The following ZNF331 variants were observed in gnomAD, a reference collection of about 807,000 sequenced individuals.
ZNF331 encodes zinc finger protein 331, also known as C2H2-like zinc finger protein rearranged in thyroid adenomas.
In ZNF331, 2 loss-of-function variants were observed where a neutral mutation model predicts 7.0. The observed-to-expected ratio is 0.29, with a 90% CI of 0.12 to 0.90. The LOEUF (loss-of-function observed/expected upper bound fraction) is 0.90, where lower values mean the gene tolerates loss of function less well. Among genes scored for constraint, ZNF331 ranks in the 40% least tolerant of loss-of-function variants. The pLI, the probability that ZNF331 is intolerant of heterozygous loss-of-function variation, is 0.58. For synonymous variants in ZNF331, 196 were observed against 205.4 expected (o/e 0.95, Z 0.39); for missense variants, 432 against 587.7 (o/e 0.74, Z 2.74).
chr19:53,556,046 C>T (rs911154588), intron 3 of ZNF331, 138 bp downstream of exon 3: 1 of 151,602 alleles, frequency 6.6e-6, no homozygotes, highest in African/African-American at 2.4e-5. Context: ...AGATCGAGAC[C>T]ATCCTGGCTA....
chr19:53,571,538 C>T lies in ZNF331; in HGVS notation c.10-66C>T. The T allele has an allele frequency of 6.3e-7, 1 of 1,591,248 alleles. No homozygotes were observed. Among genetic ancestry groups the T allele is most frequent in the South Asian group, 1.2e-5 (1 of 86,048 alleles). On this transcript the variant is annotated intron_variant, in intron 4 of 5. Transcript: ENST00000449416. This position sits in a 1 kb window ranked among gnomAD's most constrained non-coding sequence, Gnocchi z 4.7. Reference sequence around the variant, plus strand: ...GTTCACCCTACCCAGAGGGTGGCCTCCTGTCTCCTTCATCTGGAAGCTGTT... The same window carrying T: ...GTTCACCCTACCCAGAGGGTGGCCTTCTGTCTCCTTCATCTGGAAGCTGTT...
the ZNF331 span, among the ~76,000 whole-genome samples, chr19:53,508,234 C>T: frequency 1.4e-4 from 21 of 152,268 alleles, no homozygotes; most frequent in South Asian, 3.7e-3. Flanking sequence ...GTTTATCTGG[C>T]GGTTGGGGAG....
rs1429450789 is a variant in ZNF331 at position 53,577,716 on chromosome 19, A to G, written c.1156A>G (p.Lys386Glu). 1.9e-6 allele frequency: 3 copies of G among 1,613,862 alleles called. No individual in the cohort carries two copies. The African/African-American group carries it at 4.0e-5, about 22-fold the overall frequency. The change falls in exon 6 of 6, where the codon AAG becomes GAG. Residue 386 changes from lysine (K) to glutamate (E), a missense_variant. By Grantham distance (56) the Lys-to-Glu change is moderately conservative. This residue lies in a region of ZNF331 where 312 missense variants were observed against 448.6 expected (regional missense o/e 0.70). Transcript: ENST00000449416. ...CACAGGCGAAACCCCGTATAAATGT[A>G]AGGAGTGTGGGAAGGCTTTCATTTA... ...IHTGETPYKC[K>E]ECGKAFIYGS...
At chr19:53,570,808 A>G (rs1440300639) in intron 4 of ZNF331, among the ~76,000 whole-genome samples, 1 of 151,248 alleles carries the variant, frequency 6.6e-6, no homozygotes, top group Non-Finnish European at 1.5e-5. Flanking sequence ...CTGGGATTAC[A>G]GGCATGAGCC....
At chr19:53,507,452 G>A in the ZNF331 span, among the ~76,000 whole-genome samples, 1,730 of 152,148 alleles carry the variant, frequency 0.011, 37 homozygotes, top group African/African-American at 0.039. Context: ...AAAATGGACC[G>A]GCCCAGCAAC....
In ZNF331 at chr19:53,574,998, T is replaced by G. The variant is rs1461612351; in HGVS notation, c.137-1699T>G. Among the ~76,000 whole-genome samples the G allele has an allele frequency of 3.3e-5, 5 of 149,990 alleles. No individual in the cohort carries two copies. In the East Asian group the frequency reaches 9.8e-4, roughly 29 times the overall value. The stretch of plus-strand genomic sequence containing the variant: ...TGATTCCCAGGCTGGAGTGCAGTAG[T>G]GCAGTCTGGGCTCACTGCAGCCTTG... On this transcript the variant is annotated intron_variant, in intron 5 of 5. Transcript: ENST00000449416.
chr19:53,572,605 TATATA>T (rs985263752), intron 5 of ZNF331, among the ~76,000 whole-genome samples: 14 of 60,020 alleles, frequency 2.3e-4, no homozygotes, highest in Non-Finnish European at 5.0e-4. Flanking sequence ...TATATACACA[TATATA>T]TTATATATAC....
intron 3 of ZNF331, among the ~76,000 whole-genome samples, chr19:53,561,717 G>C (rs761591063): frequency 6.6e-6 from 1 of 152,156 alleles, no homozygotes; most frequent in Non-Finnish European, 1.5e-5. Context: ...GCCAGGCATG[G>C]TGGTGTGTGC....
chr19:53,505,549 G>A, the ZNF331 span, among the ~76,000 whole-genome samples: 4 of 152,184 alleles, frequency 2.6e-5, no homozygotes, highest in Non-Finnish European at 5.9e-5. Flanking sequence ...ACCAACGTAC[G>A]TGGATTCCAG....
At chr19:53,529,123 C>T (rs2087425759) in intron 2 of ZNF331, among the ~76,000 whole-genome samples, 1 of 152,114 alleles carries the variant, frequency 6.6e-6, no homozygotes, top group African/African-American at 2.4e-5. Flanking sequence ...TCTCTGAAGG[C>T]TGGGCGTGGT....
At chr19:53,538,123 G>T (rs966457893), upstream of ZNF331, 3 of 152,238 alleles carry the variant, frequency 2.0e-5, no homozygotes, top group East Asian at 3.9e-4. Flanking sequence ...CCTCCAGGGG[G>T]TGGCGGGACC....
chr19:53,560,782 C>T lies in ZNF331; in HGVS notation c.-74+4874C>T, dbSNP rs1410256814. ...TTTTCCGTCACACCACTCTGACCCT[C>T]CTCCTCTAAGTTTAAGGACTCTGGT... On this transcript the variant is annotated intron_variant, in intron 3 of 5. Transcript: ENST00000449416. The surrounding 1 kb of genome is among the most constrained non-coding windows in gnomAD (Gnocchi z 4.3). 6.6e-6 allele frequency among the ~76,000 whole-genome samples: 1 copy of T among 152,176 alleles called. No homozygotes were observed. The highest frequency in any genetic ancestry group is 1.5e-5 in the Non-Finnish European group (1 of 68,034).
At chr19:53,561,065 G>C (rs1172814670) in intron 3 of ZNF331, among the ~76,000 whole-genome samples, 1 of 152,090 alleles carries the variant, frequency 6.6e-6, no homozygotes, top group Non-Finnish European at 1.5e-5. Flanking sequence ...CGCTGAGGTG[G>C]GAGGATCACT....
chr19:53,521,414 T>G (rs1174092836), exon 1 of ZNF331: 1 of 153,000 alleles, frequency 6.5e-6, no homozygotes, highest in Non-Finnish European at 1.4e-5. Context: ...GTGACTGAGA[T>G]AATTGTCTTC....
intron 2 of ZNF331, among the ~76,000 whole-genome samples, chr19:53,549,910 C>T (rs2088875212): frequency 1.3e-5 from 2 of 152,128 alleles, no homozygotes; most frequent in South Asian, 4.1e-4. Flanking sequence ...AACTGCCTCT[C>T]TTGCCTTCTT....
chr19:53,529,164 A>T (rs1463397627), intron 2 of ZNF331, among the ~76,000 whole-genome samples: 1 of 151,968 alleles, frequency 6.6e-6, no homozygotes, highest in Non-Finnish European at 1.5e-5. Flanking sequence ...GCGCTTTGGG[A>T]GCTGAGGCGG....
chr19:53,523,782 T>C (rs530062984), intron 2 of ZNF331, among the ~76,000 whole-genome samples: 2 of 150,974 alleles, frequency 1.3e-5, no homozygotes, highest in East Asian at 1.9e-4. Flanking sequence ...TTTTTTTTTA[T>C]ACTTTAAGTT....
chr19:53,571,584 C>T lies in ZNF331; in HGVS notation c.10-20C>T, dbSNP rs201151031. 1.7e-5 allele frequency: 27 copies of T among 1,611,714 alleles called. No individual in the cohort carries two copies. In the East Asian group the frequency reaches 3.3e-4, roughly 20 times the overall value. On this transcript the variant is annotated intron_variant, in intron 4 of 5. Coordinates refer to ENST00000449416, the MANE Select transcript of ZNF331 (RefSeq NM_001079906.2). The surrounding 1 kb of genome is among the most constrained non-coding windows in gnomAD (Gnocchi z 4.7). ...CTGTTTCCTTTCATTTCATCATGCA[C>T]GTGTGGGTTTCTGTTTCAGGGTTTG... is the stretch of plus-strand genomic sequence containing the variant.
chr19:53,571,492 G>A lies in ZNF331; in HGVS notation c.10-112G>A. 7.2e-7 allele frequency: 1 copy of A among 1,380,536 alleles called. No individual in the cohort carries two copies. Among genetic ancestry groups the A allele is most frequent in the Non-Finnish European group, 1.0e-6 (1 of 1,004,562 alleles). 85.5% of individuals were successfully genotyped at this position (1,380,536 alleles called of 1,614,324 possible). The stretch of plus-strand genomic sequence containing the variant: ...CTTACCGCCCCTTGCCGATGTCACG[G>A]GTGTTCAGTCTGCTCACGGTGTTCA... On this transcript the variant is annotated intron_variant, in intron 4 of 5. Coordinates refer to ENST00000449416, the MANE Select transcript of ZNF331 (RefSeq NM_001079906.2). This position sits in a 1 kb window ranked among gnomAD's most constrained non-coding sequence, Gnocchi z 4.7.
Sources: allele counts gnomAD v4.1 joint callset (sites outside exome capture counted in the v4.1 genomes callset), GRCh38; gene constraint gnomAD v4.1.1; regional missense constraint gnomAD v4.1.1; non-coding constraint Gnocchi (gnomAD v3.1); transcripts MANE v1.5; gene names NCBI Gene and HGNC (gene_info 2026-07-23, HGNC 2026-07-21).